The following NFIB variants were observed in gnomAD, a reference collection of about 807,000 sequenced individuals.
The protein encoded by NFIB is nuclear factor I B.
Under a neutral mutation model 61.5 loss-of-function variants are expected in NFIB, and 11 were observed. That is an observed-to-expected ratio of 0.18 (90% CI 0.11 to 0.30). NFIB has a LOEUF of 0.30. Ranked by LOEUF, NFIB falls within the 10% of genes least tolerant of loss-of-function variation. The pLI, the probability that NFIB is intolerant of heterozygous loss-of-function variation, is 1.00. For missense variants in NFIB, 471 were observed against 608.9 expected (o/e 0.77, Z 2.38); for synonymous variants, 260 against 216.5 (o/e 1.20, Z -1.76).
At chr9:14,479,207 C>G in the NFIB span, among the ~76,000 whole-genome samples, 1 of 152,210 alleles carries the variant, frequency 6.6e-6, no homozygotes, top group African/African-American at 2.4e-5. Flanking sequence ...CAGACAATCA[C>G]TGAGGAAAGG....
intron 2 of NFIB, among the ~76,000 whole-genome samples, chr9:14,250,669 A>T (rs1287352076): frequency 6.6e-6 from 1 of 152,250 alleles, no homozygotes; most frequent in East Asian, 1.9e-4. Context: ...AAGCAACATT[A>T]AACATACCAA....
At chr9:14,144,362 G>C (rs10961393) in intron 6 of NFIB, among the ~76,000 whole-genome samples, 1 of 152,096 alleles carries the variant, frequency 6.6e-6, no homozygotes, top group East Asian at 1.9e-4. Context: ...TTCTCCAGAA[G>C]AATTTTCTGA....
At chr9:14,211,235 T>C (rs764502481) in intron 2 of NFIB, among the ~76,000 whole-genome samples, 1 of 152,214 alleles carries the variant, frequency 6.6e-6, no homozygotes, top group Non-Finnish European at 1.5e-5. Flanking sequence ...TAATATTACC[T>C]GGGCTATTTT....
chr9:14,205,512 T>C (rs1390805421), intron 2 of NFIB, among the ~76,000 whole-genome samples: 1 of 152,020 alleles, frequency 6.6e-6, no homozygotes, highest in Non-Finnish European at 1.5e-5. Flanking sequence ...ACAGGCTATG[T>C]TCACAGCAGC....
chr9:14,476,668 T>C, the NFIB span, among the ~76,000 whole-genome samples: 3 of 152,196 alleles, frequency 2.0e-5, no homozygotes, highest in African/African-American at 7.2e-5. Flanking sequence ...TTTAGTCATC[T>C]GTACAAACAT....
At chr9:14,345,019 A>G (rs749235080) in intron 1 of NFIB, among the ~76,000 whole-genome samples, 2 of 152,096 alleles carry the variant, frequency 1.3e-5, no homozygotes, top group African/African-American at 2.4e-5. Flanking sequence ...CATCCATCCT[A>G]GAGAATAAAA....
chr9:14,170,493 T>C (rs2045448823), intron 3 of NFIB, among the ~76,000 whole-genome samples: 2 of 152,082 alleles, frequency 1.3e-5, no homozygotes, highest in Non-Finnish European at 2.9e-5. Flanking sequence ...AAATTAAAAA[T>C]TAGCTGGGCA....
chr9:14,285,996 G>T (rs1444997280), intron 2 of NFIB, among the ~76,000 whole-genome samples: 2 of 151,208 alleles, frequency 1.3e-5, no homozygotes, highest in African/African-American at 4.9e-5. Context: ...CCAACTTTTT[G>T]ACTATTTCCA....
At chr9:14,449,242 C>T in the NFIB span, among the ~76,000 whole-genome samples, 9 of 152,270 alleles carry the variant, frequency 5.9e-5, no homozygotes, top group African/African-American at 2.2e-4. Flanking sequence ...TCTCATAATT[C>T]CCCCAACATT....
chr9:14,357,520 G>A (rs569511357), intron 1 of NFIB: 1 of 152,274 alleles, frequency 6.6e-6, no homozygotes, highest in African/African-American at 2.4e-5. Context: ...AAATAGCAGG[G>A]TTGGAGGTAG....
At chr9:14,127,228 C>A (rs1366956105) in intron 6 of NFIB, among the ~76,000 whole-genome samples, 1 of 152,164 alleles carries the variant, frequency 6.6e-6, no homozygotes, top group African/African-American at 2.4e-5. Flanking sequence ...TTGGAATAAG[C>A]AGGGAGTTGA....
At chr9:14,266,275 A>C (rs78466920) in intron 2 of NFIB, among the ~76,000 whole-genome samples, 1 of 152,256 alleles carries the variant, frequency 6.6e-6, no homozygotes, top group Non-Finnish European at 1.5e-5. Context: ...GCAGCAGGGC[A>C]TGTGATCTAT....
the NFIB span, among the ~76,000 whole-genome samples, chr9:14,417,898 A>G: frequency 6.7e-6 from 1 of 148,404 alleles, no homozygotes; most frequent in Admixed American, 7.0e-5. Flanking sequence ...CTCCTGCCTC[A>G]GCCTCCCGGG....
At chr9:14,191,355 T>TA (rs2047929104) in intron 2 of NFIB, among the ~76,000 whole-genome samples, 1 of 151,650 alleles carries the variant, frequency 6.6e-6, no homozygotes, top group Non-Finnish European at 1.5e-5. Context: ...ATAAAAAAAA[T>TA]ACAGATAATT....
At chr9:14,309,697 T>A (rs918961936) in intron 1 of NFIB, among the ~76,000 whole-genome samples, 2 of 152,264 alleles carry the variant, frequency 1.3e-5, no homozygotes, top group Non-Finnish European at 1.5e-5. Context: ...TAGCTTTCAC[T>A]GTAACTACAA....
At chr9:14,435,965 C>T in the NFIB span, among the ~76,000 whole-genome samples, 3 of 152,214 alleles carry the variant, frequency 2.0e-5, no homozygotes, top group Non-Finnish European at 2.9e-5. Flanking sequence ...TTGGATCTGT[C>T]GGCTTAGGTC....
At chr9:14,404,623 G>C in the NFIB span, among the ~76,000 whole-genome samples, 4 of 152,130 alleles carry the variant, frequency 2.6e-5, no homozygotes, top group Non-Finnish European at 5.9e-5. Flanking sequence ...CCCTGTAGAA[G>C]CTAAAAATGC....
intron 6 of NFIB, among the ~76,000 whole-genome samples, chr9:14,133,806 T>C (rs982482708): frequency 2.0e-5 from 3 of 152,124 alleles, no homozygotes; most frequent in African/African-American, 7.2e-5. Flanking sequence ...GTCCAAAGCT[T>C]TGAGGTATTT....
At chr9:14,244,543 A>G (rs1341183058) in intron 2 of NFIB, among the ~76,000 whole-genome samples, 1 of 152,198 alleles carries the variant, frequency 6.6e-6, no homozygotes. Flanking sequence ...TAATCTCCAC[A>G]ATCTCCATAG....
Sources: gnomAD v4.1 joint callset for allele counts (sites outside exome capture counted in the v4.1 genomes callset) on GRCh38, gnomAD v4.1.1 for gene constraint, MANE v1.5 for transcripts, NCBI Gene and HGNC (gene_info 2026-07-23, HGNC 2026-07-21) for gene names.